The following MAF variants were observed in gnomAD, a reference collection of about 807,000 sequenced individuals.
MAF encodes MAF bZIP transcription factor.
A neutral mutation model predicts 22.0 loss-of-function variants in MAF; 10 were observed. The observed-to-expected ratio is 0.45, with a 90% CI of 0.28 to 0.77. The LOEUF (loss-of-function observed/expected upper bound fraction) is 0.77. MAF is among the 30% of genes least tolerant of loss of function. The pLI is 0.12. For synonymous variants in MAF, 337 were observed against 255.8 expected, an observed-to-expected ratio of 1.32 and a Z score of -3.03; for missense variants, 544 against 548.4, an observed-to-expected ratio of 0.99 and a Z score of 0.08.
the MAF span, among the ~76,000 whole-genome samples, chr16:79,463,551 T>C: frequency 6.6e-6 from 1 of 152,238 alleles, no homozygotes; most frequent in African/African-American, 2.4e-5. Flanking sequence ...CTGAGTATAT[T>C]TTGGAAATTG....
the MAF span, among the ~76,000 whole-genome samples, chr16:79,223,674 G>A: frequency 6.6e-6 from 1 of 152,054 alleles, no homozygotes; most frequent in East Asian, 1.9e-4. Flanking sequence ...ATGATAAAGG[G>A]GATATCACCA....
rs749670156 is a variant in MAF at position 79,598,639 on chromosome 16, A to AG, written c.1118+145dup. ...TGTGCGTGCGGGTTTGTGTGTGTGT[A>AG]GGGGGCCAAGGGGGCCAAACTCGGT... On this transcript the variant is annotated intron_variant, in intron 1 of 1. Coordinates refer to ENST00000326043, the MANE Select transcript of MAF (RefSeq NM_005360.5). 73 of 1,327,194 alleles carry AG rather than the reference A, an allele frequency of 5.5e-5. No individual in the cohort carries two copies. The East Asian group carries it at 7.0e-4, about 13-fold the overall frequency. The allele number at this position is 1,327,194 out of a possible 1,614,324, so 82.2% of individuals were successfully genotyped here. A position where few individuals can be genotyped will look rare whatever the true frequency, so the allele number is the denominator to read the frequency against.
the MAF span, among the ~76,000 whole-genome samples, chr16:79,540,698 T>C: frequency 6.6e-6 from 1 of 152,186 alleles, no homozygotes; most frequent in Non-Finnish European, 1.5e-5. Flanking sequence ...AGGTTGACAA[T>C]GTAGATCGAA....
At chr16:79,240,712 C>T in the MAF span, among the ~76,000 whole-genome samples, 1 of 151,836 alleles carries the variant, frequency 6.6e-6, no homozygotes, top group Non-Finnish European at 1.5e-5. Context: ...CAGACTGCCT[C>T]CTCAAGTGGG....
At chr16:79,484,550 C>T in the MAF span, among the ~76,000 whole-genome samples, 1 of 152,298 alleles carries the variant, frequency 6.6e-6, no homozygotes, top group Admixed American at 6.5e-5. Context: ...GAGGGAAGGG[C>T]TCAGCCCTTC....
the MAF span, among the ~76,000 whole-genome samples, chr16:79,445,687 T>C: frequency 1.3e-5 from 2 of 152,122 alleles, no homozygotes; most frequent in African/African-American, 4.8e-5. Context: ...ATACGCTTTG[T>C]CGACTGATTG....
the MAF span, among the ~76,000 whole-genome samples, chr16:79,446,852 G>T: frequency 2.3e-3 from 354 of 152,144 alleles, 2 homozygotes; most frequent in African/African-American, 7.3e-3. Flanking sequence ...AGGTTGAAAG[G>T]TTGCAGTGAG....
the MAF span, among the ~76,000 whole-genome samples, chr16:79,405,725 C>G: frequency 6.6e-6 from 1 of 152,308 alleles, no homozygotes; most frequent in South Asian, 2.1e-4. Context: ...TTTAGATTAT[C>G]AATGATCATA....
At chr16:79,573,732 CA>C in the MAF span, among the ~76,000 whole-genome samples, 1 of 152,040 alleles carries the variant, frequency 6.6e-6, no homozygotes, top group Non-Finnish European at 1.5e-5. Flanking sequence ...AATATATGTC[CA>C]AAGAAGAACA....
chr16:79,308,892 A>T, the MAF span, among the ~76,000 whole-genome samples: 1 of 152,176 alleles, frequency 6.6e-6, no homozygotes, highest in Non-Finnish European at 1.5e-5. Flanking sequence ...GGGAGACGGG[A>T]GAATATAGGA....
At chr16:79,305,193 G>T in the MAF span, among the ~76,000 whole-genome samples, 1 of 152,328 alleles carries the variant, frequency 6.6e-6, no homozygotes, top group Non-Finnish European at 1.5e-5. Flanking sequence ...GTCATCCGGG[G>T]CAGGTGAACT....
At chr16:79,595,820 T>TATGA in intron 1 of MAF, 1 of 1,057,810 alleles carries the variant, frequency 9.5e-7, no homozygotes, top group Non-Finnish European at 1.1e-6. Flanking sequence ...CACGGTGAAA[T>TATGA]ATGATTTGAT....
intron 1 of MAF, chr16:79,595,979 G>T: frequency 9.4e-7 from 1 of 1,059,910 alleles, no homozygotes; most frequent in Non-Finnish European, 1.1e-6. Flanking sequence ...GTTAAATCTT[G>T]TCAGGCCTTG....
At chr16:79,382,741 C>T in the MAF span, among the ~76,000 whole-genome samples, 2 of 152,196 alleles carry the variant, frequency 1.3e-5, no homozygotes, top group African/African-American at 4.8e-5. Context: ...TCAGAAAAAG[C>T]AGAGGTTGAA....
the MAF span, among the ~76,000 whole-genome samples, chr16:79,373,473 C>T: frequency 1.4e-5 from 2 of 140,766 alleles, no homozygotes; most frequent in African/African-American, 2.6e-5. Context: ...ACCTCCATCT[C>T]CTGGGTTCAA....
At chr16:79,406,545 C>G in the MAF span, among the ~76,000 whole-genome samples, 1 of 152,076 alleles carries the variant, frequency 6.6e-6, no homozygotes, top group South Asian at 2.1e-4. Context: ...TCCCCAGGGC[C>G]TCTTTTAGAA....
At chr16:79,356,761 A>T in the MAF span, among the ~76,000 whole-genome samples, 2 of 152,016 alleles carry the variant, frequency 1.3e-5, no homozygotes, top group African/African-American at 2.4e-5. Context: ...CACCCTACAA[A>T]CATTCTGACC....
the MAF span, among the ~76,000 whole-genome samples, chr16:79,333,410 G>T: frequency 6.6e-6 from 1 of 152,168 alleles, no homozygotes; most frequent in South Asian, 2.1e-4. Flanking sequence ...AAAGTCAGTG[G>T]GGCAGACCAA....
At chr16:79,466,193 C>T in the MAF span, among the ~76,000 whole-genome samples, 11 of 152,264 alleles carry the variant, frequency 7.2e-5, no homozygotes, top group African/African-American at 2.4e-4. Flanking sequence ...CAATGAGGCT[C>T]GGAATTCCTC....
Sources: gnomAD v4.1 joint callset for allele counts (sites outside exome capture counted in the v4.1 genomes callset) on GRCh38, gnomAD v4.1.1 for gene constraint, MANE v1.5 for transcripts, NCBI Gene and HGNC (gene_info 2026-07-23, HGNC 2026-07-21) for gene names.